The following CSMD1 variants were observed in gnomAD, a reference collection of about 807,000 sequenced individuals.
CSMD1 encodes the protein CUB and sushi domain-containing protein 1.
A neutral mutation model predicts 417.5 loss-of-function variants in CSMD1; 213 were observed. The ratio of observed to expected loss-of-function variants is 0.51; its 90% CI spans 0.46 to 0.57. The LOEUF (loss-of-function observed/expected upper bound fraction) is 0.57. Among genes scored for constraint, CSMD1 ranks in the 20% least tolerant of loss-of-function variants. The probability of loss-of-function intolerance (pLI) is 0.00; values close to 1 mark genes in which losing one functional copy is unlikely to be tolerated. For synonymous variants in CSMD1, 2,862 were observed against 1,736.8 expected (o/e 1.65, Z -16.11); for missense variants, 6,923 against 4,529.7 (o/e 1.53, Z -15.17).
intron 26 of CSMD1, among the ~76,000 whole-genome samples, chr8:3,264,169 T>A (rs1231965356): frequency 1.3e-5 from 2 of 152,286 alleles, no homozygotes; most frequent in East Asian, 1.9e-4. Flanking sequence ...TAAAAATCTG[T>A]ATATTGACAC....
intron 5 of CSMD1, among the ~76,000 whole-genome samples, chr8:3,868,227 G>A (rs890267962): frequency 5.1e-5 from 6 of 118,230 alleles, no homozygotes; most frequent in African/African-American, 2.9e-4. Context: ...CCCAGAACGA[G>A]GATGGGGGGG....
At chr8:3,172,607 T>C (rs1820649706) in intron 37 of CSMD1, among the ~76,000 whole-genome samples, 1 of 151,586 alleles carries the variant, frequency 6.6e-6, no homozygotes, top group African/African-American at 2.4e-5. Context: ...GTGAGTGGAG[T>C]GTGTATAATT....
intron 25 of CSMD1, among the ~76,000 whole-genome samples, chr8:3,287,083 G>C (rs113192088): frequency 2.6e-5 from 4 of 152,016 alleles, no homozygotes; most frequent in South Asian, 2.1e-4. Context: ...AATAGGGAAT[G>C]CTTTCCCCAT....
intron 5 of CSMD1, among the ~76,000 whole-genome samples, chr8:3,941,058 T>C (rs374029220): frequency 7.4e-4 from 113 of 152,162 alleles, no homozygotes; most frequent in Middle Eastern, 3.4e-3. Flanking sequence ...TATAATCAAA[T>C]TGGGGTAATT....
chr8:4,212,159 C>T (rs983956957), intron 3 of CSMD1, among the ~76,000 whole-genome samples: 1 of 149,260 alleles, frequency 6.7e-6, no homozygotes, highest in East Asian at 1.9e-4. Context: ...AAAAAAGACT[C>T]TGTCACTTCC....
intron 1 of CSMD1, among the ~76,000 whole-genome samples, chr8:4,763,069 G>C (rs542766992): frequency 6.6e-6 from 1 of 152,278 alleles, no homozygotes; most frequent in South Asian, 2.1e-4. Flanking sequence ...GTAACATCCA[G>C]TGTCAAAAAT....
At chr8:3,910,016 G>A (rs888529035) in intron 5 of CSMD1, among the ~76,000 whole-genome samples, 1 of 152,098 alleles carries the variant, frequency 6.6e-6, no homozygotes, top group African/African-American at 2.4e-5. Flanking sequence ...ATAAATAAAG[G>A]TAAATAATTC....
intron 5 of CSMD1, among the ~76,000 whole-genome samples, chr8:3,981,554 T>G (rs1813871958): frequency 6.6e-6 from 1 of 151,244 alleles, no homozygotes; most frequent in African/African-American, 2.4e-5. Flanking sequence ...ACCTAAGTCT[T>G]TCCACACCGT....
At chr8:4,056,147 T>C (rs1360128619) in intron 3 of CSMD1, among the ~76,000 whole-genome samples, 3 of 132,718 alleles carry the variant, frequency 2.3e-5, no homozygotes, top group African/African-American at 5.6e-5. Flanking sequence ...AGTGGCACCA[T>C]CTTGGCTTAC....
At chr8:3,308,677 C>G (rs966943005) in intron 23 of CSMD1, among the ~76,000 whole-genome samples, 174 bp from the exon 24 acceptor site, 1 of 150,762 alleles carries the variant, frequency 6.6e-6, no homozygotes, top group African/African-American at 2.4e-5. Flanking sequence ...CTATTTGTTA[C>G]CCATTTGTGA....
chr8:3,523,401 G>C (rs987532131), intron 10 of CSMD1, among the ~76,000 whole-genome samples: 1 of 152,230 alleles, frequency 6.6e-6, no homozygotes, highest in African/African-American at 2.4e-5. Flanking sequence ...AGCTCTCAAT[G>C]AGAGATCAAA....
At chr8:4,224,965 A>T (rs118040143) in intron 3 of CSMD1, among the ~76,000 whole-genome samples, 1 of 152,094 alleles carries the variant, frequency 6.6e-6, no homozygotes, top group South Asian at 2.1e-4. Context: ...AAAAAAAATT[A>T]GTTGGGCGTG....
At chr8:4,957,397 T>C (rs182684032) in intron 1 of CSMD1, among the ~76,000 whole-genome samples, 1 of 152,322 alleles carries the variant, frequency 6.6e-6, no homozygotes, top group Admixed American at 6.5e-5. Flanking sequence ...GAAACACAAA[T>C]CTACGGGCAC....
chr8:4,293,502 T>C (rs956378777), intron 3 of CSMD1, among the ~76,000 whole-genome samples: 3 of 152,224 alleles, frequency 2.0e-5, no homozygotes, highest in African/African-American at 7.2e-5. Flanking sequence ...CGTTTCTTTT[T>C]ATACTTACTT....
At chr8:4,022,021 A>C (rs2740931) in intron 4 of CSMD1, among the ~76,000 whole-genome samples, 5 of 151,284 alleles carry the variant, frequency 3.3e-5, no homozygotes, top group African/African-American at 1.2e-4. Flanking sequence ...CCAACACTGG[A>C]AAGTCCAGGT....
rs116084077 is a variant in CSMD1, at chr8:3,995,330, A to G, written c.818+2573T>C. 4.9e-3 allele frequency among the ~76,000 whole-genome samples: 740 copies of G among 152,316 alleles called. 3 individuals carry two copies. Among genetic ancestry groups the G allele is most frequent in the African/African-American group, 0.017 (715 of 41,568 alleles). ...AAACGTAGTCCTTGTGGCTGTGTTA[A>G]GATACTTCTTTTGACTATTATGATA... On this transcript the variant is annotated intron_variant, in intron 5 of 69. Transcript: ENST00000635120.
intron 40 of CSMD1, among the ~76,000 whole-genome samples, chr8:3,146,480 A>C (rs1818852145): frequency 6.6e-6 from 1 of 152,204 alleles, no homozygotes; most frequent in Admixed American, 6.5e-5. Context: ...CTGATATATT[A>C]TATTCCCTTT....
intron 1 of CSMD1, among the ~76,000 whole-genome samples, chr8:4,862,028 G>C (rs1272072316): frequency 6.6e-6 from 1 of 152,072 alleles, no homozygotes; most frequent in East Asian, 1.9e-4. Context: ...TACTGAACAG[G>C]AGGGATTGCG....
At chr8:3,620,779 T>C (rs139388781) in intron 7 of CSMD1, among the ~76,000 whole-genome samples, 5 of 152,052 alleles carry the variant, frequency 3.3e-5, no homozygotes, top group African/African-American at 1.2e-4. Flanking sequence ...CATATGAAAA[T>C]TGAATAACAA....
Sources: gnomAD v4.1 joint callset for allele counts (sites outside exome capture counted in the v4.1 genomes callset) on GRCh38, gnomAD v4.1.1 for gene constraint, MANE v1.5 for transcripts, NCBI Gene and HGNC (gene_info 2026-07-23, HGNC 2026-07-21) for gene names.